Variants in NAALADL2 observed in about 807,000 individuals in gnomAD.
The protein encoded by NAALADL2 is N-acetylated alpha-linked acidic dipeptidase like 2.
A neutral mutation model predicts 87.2 loss-of-function variants in NAALADL2; 76 were observed. That is an observed-to-expected ratio of 0.87 (90% CI 0.72 to 1.05). The LOEUF is 1.05. NAALADL2 is among the 50% of genes least tolerant of loss of function. The pLI is 0.00. For synonymous variants in NAALADL2, 354 were observed against 331.0 expected (o/e 1.07, Z -0.75); for missense variants, 1,089 against 945.8 (o/e 1.15, Z -1.99).
chr3:175,458,619 T>C (rs1200297099), intron 6 of NAALADL2, among the ~76,000 whole-genome samples: 2 of 148,926 alleles, frequency 1.3e-5, no homozygotes, highest in Non-Finnish European at 3.0e-5. Context: ...CATGAGAACA[T>C]ATCAATATCA....
At chr3:175,715,974 CTG>C (rs1257711012) in intron 11 of NAALADL2, among the ~76,000 whole-genome samples, 2 of 151,520 alleles carry the variant, frequency 1.3e-5, no homozygotes, top group Non-Finnish European at 2.9e-5. Context: ...CATTCAGTAA[CTG>C]TTTATTTAAA....
rs73051403 is a variant in NAALADL2 at position 175,717,229 on chromosome 3, C to T, written c.1897-20077C>T. Among the ~76,000 whole-genome samples the T allele has an allele frequency of 3.2e-3, 487 of 152,266 alleles. 1 individual carries two copies. The highest frequency in any genetic ancestry group is 0.011 in the African/African-American group (465 of 41,564). ...CTTCGATTACAGGTGTGAGGCATGGCGCAGCCACATTATCCTTTTGAGGCA... is the reference window on the plus strand; with the variant it reads ...CTTCGATTACAGGTGTGAGGCATGGTGCAGCCACATTATCCTTTTGAGGCA... On this transcript the variant is annotated intron_variant, in intron 11 of 13. Transcript: ENST00000454872.
chr3:175,145,087 G>C (rs1453303637), intron 2 of NAALADL2, among the ~76,000 whole-genome samples: 2 of 151,788 alleles, frequency 1.3e-5, no homozygotes, highest in Non-Finnish European at 3.0e-5. Context: ...CCTGGATAGA[G>C]AAGGATTTGG....
At chr3:175,338,007 C>T (rs1469373197) in intron 5 of NAALADL2, among the ~76,000 whole-genome samples, 2 of 152,084 alleles carry the variant, frequency 1.3e-5, no homozygotes. Flanking sequence ...TGTTCTTCTC[C>T]TTCACAGAAC....
At chr3:175,283,483 C>T (rs187862199) in intron 4 of NAALADL2, among the ~76,000 whole-genome samples, 3 of 152,058 alleles carry the variant, frequency 2.0e-5, no homozygotes, top group Non-Finnish European at 2.9e-5. Flanking sequence ...AGTTTTCTTC[C>T]TTCTGTTGGG....
chr3:175,453,197 G>A (rs1721834804), intron 6 of NAALADL2, among the ~76,000 whole-genome samples: 1 of 151,978 alleles, frequency 6.6e-6, no homozygotes. Flanking sequence ...ACAAATTATA[G>A]AAATTCCAAC....
intron 9 of NAALADL2, among the ~76,000 whole-genome samples, chr3:175,550,268 G>A (rs116547776): frequency 2.0e-5 from 3 of 152,056 alleles, no homozygotes; most frequent in Admixed American, 1.3e-4. Flanking sequence ...GACTTTTAGT[G>A]TACCTTAATC....
Position 175,248,402 on chromosome 3 carries a change from T to C in NAALADL2, c.820-8009T>C, listed in dbSNP as rs1274241871. 2.0e-5 allele frequency among the ~76,000 whole-genome samples: 3 copies of C among 152,172 alleles called. No individual in the cohort carries two copies. The East Asian group carries it at 5.8e-4, about 29-fold the overall frequency. On this transcript the variant is annotated intron_variant, in intron 3 of 13. Coordinates refer to ENST00000454872, the MANE Select transcript of NAALADL2 (RefSeq NM_207015.3). The stretch of plus-strand genomic sequence containing the variant: ...AATATTTGTTTTTGGTGGTGGTAGT[T>C]CTGGATCACTCAATAACTGAAAACA...
chr3:175,551,864 A>C (rs991158456), intron 9 of NAALADL2, among the ~76,000 whole-genome samples: 1 of 148,662 alleles, frequency 6.7e-6, no homozygotes, highest in Non-Finnish European at 1.5e-5. Flanking sequence ...TGGAGCTTGC[A>C]GTGAGCCGAG....
intron 10 of NAALADL2, among the ~76,000 whole-genome samples, chr3:175,616,083 A>G (rs1244056342): frequency 6.8e-6 from 1 of 147,262 alleles, no homozygotes; most frequent in African/African-American, 2.5e-5. Context: ...TGTTATTTAT[A>G]GTCATTTTAA....
chr3:175,172,092 G>A (rs761864404), intron 2 of NAALADL2, among the ~76,000 whole-genome samples: 3 of 152,028 alleles, frequency 2.0e-5, no homozygotes, highest in Non-Finnish European at 4.4e-5. Flanking sequence ...GAAATGTTGA[G>A]TACTCAAGGT....
At chr3:174,626,843 A>G (rs1721626530) in intron 2 of NAALADL2, among the ~76,000 whole-genome samples, 2 of 152,102 alleles carry the variant, frequency 1.3e-5, no homozygotes. Context: ...CAATTTTAGA[A>G]TAATGGTCTT....
At chr3:175,778,786 G>C (rs114816093) in intron 13 of NAALADL2, among the ~76,000 whole-genome samples, 2,879 of 152,208 alleles carry the variant, frequency 0.019, 83 homozygotes, top group African/African-American at 0.065. Flanking sequence ...GAGAGAGAAT[G>C]GTGGTGATGG....
chr3:175,296,758 ATTTTAT>A (rs1354446821), intron 4 of NAALADL2, among the ~76,000 whole-genome samples: 1 of 152,136 alleles, frequency 6.6e-6, no homozygotes. Context: ...AGTACAATTA[ATTTTAT>A]TAAGAAATTG....
intron 2 of NAALADL2, among the ~76,000 whole-genome samples, chr3:175,100,263 T>C (rs1433385776): frequency 6.6e-6 from 1 of 151,414 alleles, no homozygotes; most frequent in African/African-American, 2.4e-5. Flanking sequence ...GCCCCAGAGA[T>C]GATTATCCAT....
chr3:174,756,516 G>T (rs1192007550), intron 3 of NAALADL2, among the ~76,000 whole-genome samples: 2 of 152,160 alleles, frequency 1.3e-5, no homozygotes. Flanking sequence ...AAAGCATGCT[G>T]CCAAATAGTA....
chr3:174,714,827 AC>A (rs1203897659), intron 2 of NAALADL2, among the ~76,000 whole-genome samples: 3 of 152,128 alleles, frequency 2.0e-5, no homozygotes, highest in Non-Finnish European at 2.9e-5. Context: ...AGAAATTCCA[AC>A]ACTATGTTGA....
chr3:175,404,658 T>C (rs971047667), intron 5 of NAALADL2, among the ~76,000 whole-genome samples: 7 of 152,150 alleles, frequency 4.6e-5, no homozygotes, highest in Non-Finnish European at 7.4e-5. Flanking sequence ...TAGCAGTAGC[T>C]ATGACACATA....
chr3:175,468,704 G>T (rs939864896), intron 8 of NAALADL2, among the ~76,000 whole-genome samples: 3 of 151,850 alleles, frequency 2.0e-5, no homozygotes, highest in Non-Finnish European at 4.4e-5. Context: ...CTATGTTTTA[G>T]AATAGACTAG....
Sources: allele counts gnomAD v4.1 joint callset (sites outside exome capture counted in the v4.1 genomes callset), GRCh38; gene constraint gnomAD v4.1.1; transcripts MANE v1.5; gene names NCBI Gene and HGNC (gene_info 2026-07-23, HGNC 2026-07-21).